DGKB: variants seen among roughly 807,000 people sequenced by gnomAD.
The protein encoded by DGKB is 90 kDa diacylglycerol kinase.
Under a neutral mutation model 114.3 loss-of-function variants are expected in DGKB, and 67 were observed. The observed-to-expected ratio is 0.59, with a 90% confidence interval of 0.48 to 0.72. The LOEUF is 0.72. Ranked by LOEUF, DGKB falls within the 30% of genes least tolerant of loss-of-function variation. DGKB has a pLI of 0.00. For missense variants in DGKB, 907 were observed against 975.2 expected (o/e 0.93, Z 0.93); for synonymous variants, 398 against 323.1 (o/e 1.23, Z -2.49).
At chr7:14,698,226 C>T in intron 7 of DGKB, 57 bp from the exon 8 acceptor site, 1 of 1,075,764 alleles carries the variant, frequency 9.3e-7, no homozygotes, top group Non-Finnish European at 1.3e-6. Context: ...AGTTTTAAAT[C>T]TTTCACTTGC....
At chr7:14,343,424 CA>C (rs776354547) in intron 22 of DGKB, among the ~76,000 whole-genome samples, 38 of 151,726 alleles carry the variant, frequency 2.5e-4, no homozygotes, top group Non-Finnish European at 4.7e-4. Flanking sequence ...CTCTGTGGAT[CA>C]AAACCACTTA....
intron 13 of DGKB, among the ~76,000 whole-genome samples, chr7:14,652,688 G>A (rs990596289): frequency 3.9e-4 from 59 of 149,676 alleles, no homozygotes; most frequent in Non-Finnish European, 2.7e-4. Flanking sequence ...CACAGCAAAA[G>A]AAACTACCAT....
In DGKB at chr7:14,779,375, A is replaced by T. The variant is rs149088694; in HGVS notation, c.71-21644T>A. On this transcript the variant is annotated intron_variant, in intron 2 of 25. Transcript: ENST00000402815. ...ACATGGTGAAACCTGGTCTCTATAA[A>T]AAAATACAAAAATTAGCTGGGTCTG... Among the ~76,000 whole-genome samples the T allele has an allele frequency of 1.8e-4, 28 of 152,136 alleles. No individual in the cohort carries two copies. The East Asian group carries it at 5.2e-3, about 28-fold the overall frequency.
rs1461369286 is a variant in DGKB, at chr7:14,898,052, A to G, written c.-188+4540T>C. ...AATTCTCTGTGGCATATTCAATAAT[A>G]AAGGCAAGCACAAGTTTCAGTGGAA... On this transcript the variant is annotated intron_variant, in intron 1 of 25. Transcript: ENST00000402815. Among the ~76,000 whole-genome samples, 5 of 152,188 alleles carry G rather than the reference A, an allele frequency of 3.3e-5. No homozygotes were observed. In the East Asian group the frequency reaches 7.7e-4, roughly 23 times the overall value.
intron 25 of DGKB, 159 bp downstream of exon 25, chr7:14,176,680 A>C: frequency 6.9e-7 from 1 of 1,442,934 alleles, no homozygotes; most frequent in Non-Finnish European, 9.1e-7. Flanking sequence ...CTACAACCTA[A>C]ATGTAGTGGC....
intron 20 of DGKB, among the ~76,000 whole-genome samples, chr7:14,530,137 G>T (rs928936050): frequency 6.6e-6 from 1 of 151,542 alleles, no homozygotes; most frequent in Non-Finnish European, 1.5e-5. Context: ...AAATGGAAAT[G>T]CCATTTTATT....
At position 14,463,303 on chromosome 7, in the gene DGKB, C is replaced by G. The variant is rs1458247794; in HGVS notation, c.1835+14858G>C. On this transcript the variant is annotated intron_variant, in intron 21 of 25. Coordinates refer to ENST00000402815, the MANE Select transcript of DGKB (RefSeq NM_001350709.2). ...ATAATACCTAATGTAGGTGACGGAT[C>G]GATGGGTGCAGCAAACTACCGTGGC... Among the ~76,000 whole-genome samples, 3 of 151,966 alleles carry G rather than the reference C, an allele frequency of 2.0e-5. No individual in the cohort carries two copies. The East Asian group carries it at 5.8e-4, about 29-fold the overall frequency.
intron 20 of DGKB, among the ~76,000 whole-genome samples, chr7:14,512,088 C>T (rs1391210462): frequency 1.3e-5 from 2 of 152,056 alleles, no homozygotes; most frequent in African/African-American, 4.8e-5. Flanking sequence ...TGATCACATG[C>T]ATTTAAAAAA....
chr7:14,569,713 C>T (rs551110356), intron 20 of DGKB, among the ~76,000 whole-genome samples: 4 of 152,074 alleles, frequency 2.6e-5, no homozygotes, highest in Admixed American at 6.6e-5. Flanking sequence ...TTAAAATTGA[C>T]TTAGCTATTT....
At chr7:14,453,742 G>C (rs1831868805) in intron 21 of DGKB, among the ~76,000 whole-genome samples, 2 of 152,106 alleles carry the variant, frequency 1.3e-5, no homozygotes, top group South Asian at 4.1e-4. Flanking sequence ...GGATCATATG[G>C]TCTCTGTCAC....
chr7:14,740,342 G>A (rs1586135926), intron 4 of DGKB, among the ~76,000 whole-genome samples: 1 of 150,654 alleles, frequency 6.6e-6, no homozygotes, highest in African/African-American at 2.5e-5. Context: ...AGTTGATTTT[G>A]CACCAACCTA....
rs199538810 is a variant in DGKB at position 14,352,330 on chromosome 7, GA to G, written c.1836-6940del. Among the ~76,000 whole-genome samples the G allele has an allele frequency of 5.5e-3, 820 of 150,080 alleles. 8 individuals carry two copies. Among genetic ancestry groups the G allele is most frequent in the African/African-American group, 0.018 (729 of 40,972 alleles). On this transcript the variant is annotated intron_variant, in intron 21 of 25. Coordinates refer to ENST00000402815, the MANE Select transcript of DGKB (RefSeq NM_001350709.2). ...TTAATCATTTCAACAATTCCCTATG[GA>G]AAAAAAAAGTGGTTATTTAAGTATT...
At chr7:14,829,935 A>G (rs780976367) in intron 2 of DGKB, among the ~76,000 whole-genome samples, 1 of 152,074 alleles carries the variant, frequency 6.6e-6, no homozygotes, top group Non-Finnish European at 1.5e-5. Context: ...CTTTGAAACC[A>G]AGGGAGGGAG....
intron 23 of DGKB, among the ~76,000 whole-genome samples, chr7:14,197,804 T>C (rs1402135951): frequency 2.0e-5 from 3 of 152,116 alleles, no homozygotes; most frequent in Non-Finnish European, 4.4e-5. Flanking sequence ...TTTCAAAGAA[T>C]ACCTACTAGT....
intron 23 of DGKB, among the ~76,000 whole-genome samples, chr7:14,324,561 A>C (rs1473021268): frequency 1.3e-5 from 2 of 152,106 alleles, no homozygotes; most frequent in Non-Finnish European, 2.9e-5. Context: ...AGATATAATT[A>C]CCTAGGATTG....
At chr7:14,239,377 G>A (rs1793308946) in intron 23 of DGKB, among the ~76,000 whole-genome samples, 2 of 151,962 alleles carry the variant, frequency 1.3e-5, no homozygotes, top group South Asian at 4.1e-4. Context: ...TTGAGAAAAT[G>A]AAATTTAAAA....
At chr7:14,778,747 A>G (rs1838613622) in intron 2 of DGKB, among the ~76,000 whole-genome samples, 2 of 152,232 alleles carry the variant, frequency 1.3e-5, no homozygotes, top group African/African-American at 4.8e-5. Flanking sequence ...CTTATAGATA[A>G]CCAAGCATTT....
At chr7:14,426,694 G>T (rs1827598716) in intron 21 of DGKB, among the ~76,000 whole-genome samples, 1 of 152,124 alleles carries the variant, frequency 6.6e-6, no homozygotes, top group Admixed American at 6.6e-5. Flanking sequence ...GGAAGCTATT[G>T]TGGGGCCTTC....
chr7:14,501,165 T>C (rs1045014025), intron 20 of DGKB, among the ~76,000 whole-genome samples: 2 of 151,850 alleles, frequency 1.3e-5, no homozygotes, highest in African/African-American at 2.4e-5. Context: ...TCTAGGGTTA[T>C]AGGAATCACA....
Sources: gnomAD v4.1 joint callset for allele counts (sites outside exome capture counted in the v4.1 genomes callset) on GRCh38, gnomAD v4.1.1 for gene constraint, MANE v1.5 for transcripts, NCBI Gene and HGNC (gene_info 2026-07-23, HGNC 2026-07-21) for gene names.